HMCN2: variants seen among roughly 807,000 people sequenced by gnomAD.
HMCN2 encodes the protein hemicentin-2.
A neutral mutation model predicts 377.5 loss-of-function variants in HMCN2; 325 were observed. The ratio of observed to expected loss-of-function variants is 0.86; its 90% CI spans 0.79 to 0.94. HMCN2 has a LOEUF of 0.94. Ranked by LOEUF, HMCN2 falls within the 40% of genes least tolerant of loss-of-function variation. The pLI, the probability that HMCN2 is intolerant of heterozygous loss-of-function variation, is 0.00. For missense variants in HMCN2, 4,543 were observed against 4,725.3 expected, an observed-to-expected ratio of 0.96 and a Z score of 1.13; for synonymous variants, 2,007 against 2,046.8, an observed-to-expected ratio of 0.98 and a Z score of 0.53.
rs553915733 is a variant in HMCN2, at chr9:130,384,611, C to T, written c.8993-74C>T. On this transcript the variant is annotated intron_variant, in intron 58 of 97. Coordinates refer to ENST00000683500, the MANE Select transcript of HMCN2 (RefSeq NM_001291815.2). Reference sequence around the variant, plus strand: ...TTGCTCCCCCGACCTGGGACAGGGCCGTCAGTCGTGCAGGGATTTAGGACT... The same window carrying T: ...TTGCTCCCCCGACCTGGGACAGGGCTGTCAGTCGTGCAGGGATTTAGGACT... The T allele has an allele frequency of 2.0e-5, 26 of 1,300,488 alleles. 1 individual carries two copies. In the Middle Eastern group the frequency reaches 6.4e-4, roughly 32 times the overall value. The allele number at this position is 1,300,488 out of a possible 1,614,324, so 80.6% of individuals were successfully genotyped here.
At chr9:130,352,788 G>T in intron 30 of HMCN2, 139 bp from the exon 31 acceptor site, 1 of 589,350 alleles carries the variant, frequency 1.7e-6, no homozygotes, top group Non-Finnish European at 2.5e-6. Flanking sequence ...TCCCCTCCTT[G>T]TCCACCATGC....
chr9:130,356,301 T>G, intron 34 of HMCN2, 44 bp downstream of exon 34: 1 of 1,259,926 alleles, frequency 7.9e-7, no homozygotes, highest in Non-Finnish European at 1.0e-6. Context: ...CAGCCTGAGA[T>G]GCCAGGGGTG....
At chr9:130,336,065 T>A (rs1309293746) in intron 22 of HMCN2, among the ~76,000 whole-genome samples, 1 of 151,944 alleles carries the variant, frequency 6.6e-6, no homozygotes. Context: ...CCAGGAGACC[T>A]GCTCCGGTGC....
intron 15 of HMCN2, among the ~76,000 whole-genome samples, chr9:130,314,094 T>G (rs1837415899): frequency 6.6e-6 from 1 of 152,234 alleles, no homozygotes; most frequent in African/African-American, 2.4e-5. Context: ...TGGATATGCC[T>G]CCTCTTTCTG....
chr9:130,325,066 G>C (rs1838055830), intron 19 of HMCN2, among the ~76,000 whole-genome samples: 1 of 146,270 alleles, frequency 6.8e-6, no homozygotes, highest in East Asian at 2.0e-4. Context: ...CACTGATCTA[G>C]TTTTGTCTTT....
rs951196779 is a variant in HMCN2, at chr9:130,375,675, C to A, written c.7743C>A (p.Asn2581Lys). The A allele has an allele frequency of 3.0e-6, 3 of 985,970 alleles. No homozygotes were observed. The highest frequency in any genetic ancestry group is 3.6e-6 in the Non-Finnish European group (3 of 830,000). 61.1% of individuals were successfully genotyped at this position (985,970 alleles called of 1,614,324 possible). ...AGGCCCTGGCCTTCCCTTCCCCCAACATCACCTGGATGAAGGACGGGGCCC... is the reference window on the plus strand; with the variant it reads ...AGGCCCTGGCCTTCCCTTCCCCCAAAATCACCTGGATGAAGGACGGGGCCC... ...ICEALAFPSP[N>K]ITWMKDGAPF... Residue 2581 changes from asparagine (N) to lysine (K), a missense_variant, in exon 50 of 98, where the codon AAC becomes AAA. Physicochemically the swap from Asn to Lys is moderately conservative, Grantham distance 94. Transcript: ENST00000683500.
intron 22 of HMCN2, among the ~76,000 whole-genome samples, chr9:130,335,281 G>A (rs1838684631): frequency 6.6e-6 from 1 of 152,154 alleles, no homozygotes; most frequent in Admixed American, 6.5e-5. Flanking sequence ...ATAAGTTTCA[G>A]CATCAAATGG....
rs915120845 is a variant in HMCN2 at position 130,354,782 on chromosome 9, C to T, written c.4884C>T (p.Gly1628=). 4.5e-5 allele frequency: 59 copies of T among 1,301,824 alleles called. No homozygotes were observed. The Admixed American group carries it at 1.2e-3, about 26-fold the overall frequency. The allele number at this position is 1,301,824 out of a possible 1,614,324, so 80.6% of individuals were successfully genotyped here. A position where few individuals can be genotyped will look rare whatever the true frequency, so the allele number is the denominator to read the frequency against. Reference sequence around the variant, plus strand: ...TTCCAGTCCCACCTACCATCGAGGGCGCCGGTGGAAGACCATACGTGGTGA... The same window carrying T: ...TTCCAGTCCCACCTACCATCGAGGGTGCCGGTGGAAGACCATACGTGGTGA... ...LDVYVPPTIE[G]AGGRPYVVKA... The change falls in exon 32 of 98, where the codon GGC becomes GGT. Residue 1628 remains glycine, a synonymous_variant. Coordinates refer to ENST00000683500, the MANE Select transcript of HMCN2 (RefSeq NM_001291815.2).
In HMCN2 at chr9:130,339,050, C is replaced by A. The variant is rs1007051784; in HGVS notation, c.3487+1029C>A. On this transcript the variant is annotated intron_variant, in intron 23 of 97. Transcript: ENST00000683500. ...CAAAAAATAAAAAATTAACCACTTG[C>A]AATGGTCCGCACCTGTAGTCCCAGC... Among the ~76,000 whole-genome samples, 872 of 151,756 alleles carry A rather than the reference C, an allele frequency of 5.7e-3. 8 individuals are homozygous for A. The highest frequency in any genetic ancestry group is 0.02 in the African/African-American group (834 of 41,286).
At position 130,362,209 on chromosome 9, in the gene HMCN2, C is replaced by T. The variant is rs114764130; in HGVS notation, c.6108+44C>T. ...CCCCGGCTCAACCTCCCTGCACCTC[C>T]CGTAGATGCTGGGAACAGAGGTCAG... On this transcript the variant is annotated intron_variant, in intron 39 of 97. Coordinates refer to ENST00000683500, the MANE Select transcript of HMCN2 (RefSeq NM_001291815.2). 1.2e-3 allele frequency: 1,178 copies of T among 983,344 alleles called. 14 individuals are homozygous for T. In the African/African-American group the frequency reaches 0.019, roughly 16 times the overall value. The allele number at this position is 983,344 out of a possible 1,614,324, so 60.9% of individuals were successfully genotyped here. A position where few individuals can be genotyped will look rare whatever the true frequency, so the allele number is the denominator to read the frequency against.
chr9:130,343,531 C>T (rs957690248), intron 25 of HMCN2, among the ~76,000 whole-genome samples: 5 of 152,210 alleles, frequency 3.3e-5, no homozygotes, highest in African/African-American at 4.8e-5. Flanking sequence ...ACCTGGCCCC[C>T]CGACCCTCCC....
At chr9:130,297,401 G>A (rs1024915442) in intron 7 of HMCN2, among the ~76,000 whole-genome samples, 2 of 152,230 alleles carry the variant, frequency 1.3e-5, no homozygotes, top group African/African-American at 4.8e-5. Context: ...GTTCTGCTGG[G>A]AGAAGCCTGG....
At chr9:130,358,218 C>A in intron 35 of HMCN2, 172 bp from the exon 36 acceptor site, 1 of 542,420 alleles carries the variant, frequency 1.8e-6, no homozygotes, top group Non-Finnish European at 2.4e-6. Flanking sequence ...GCCTGGAGAT[C>A]GGACGAATCC....
chr9:130,295,548 T>C, intron 5 of HMCN2, 118 bp from the exon 6 acceptor site: 2 of 340,754 alleles, frequency 5.9e-6, no homozygotes, highest in South Asian at 4.4e-5. Context: ...AGACCCCTTG[T>C]CACTTCCGGG....
intron 57 of HMCN2, 142 bp downstream of exon 57, chr9:130,383,742 CAGAG>C (rs1205168389): frequency 7.1e-6 from 2 of 281,810 alleles, no homozygotes; most frequent in Non-Finnish European, 1.1e-5. Flanking sequence ...CATCCCGAGA[CAGAG>C]AGCATTTGGG....
chr9:130,298,398 C>A (rs971110353), intron 7 of HMCN2, among the ~76,000 whole-genome samples: 2 of 152,166 alleles, frequency 1.3e-5, no homozygotes, highest in African/African-American at 2.4e-5. Context: ...GTGGTGCATA[C>A]CTGTAGTCTC....
Position 130,284,654 on chromosome 9 carries a change from T to G in HMCN2, c.311T>G (p.Leu104Arg). Residue 104 changes from leucine (L) to arginine (R), a missense_variant, in exon 2 of 98, where the codon CTG (leucine) becomes CGG (arginine). By Grantham distance (102) the Leu-to-Arg change is moderately radical. Coordinates refer to ENST00000683500, the MANE Select transcript of HMCN2 (RefSeq NM_001291815.2). ...GACCCCACAGTGTTTCAGAGGGAGC[T>G]GAGAGAACTCTACGTGCAGGTGGGC... The part of the protein sequence containing the change: ...TADPTVFQRE[L>R]RELYVQGGGD... The G allele has an allele frequency of 2.1e-6, 1 of 471,206 alleles. No individual in the cohort carries two copies. The highest frequency in any genetic ancestry group is 4.4e-6 in the Non-Finnish European group (1 of 227,060). The allele number at this position is 471,206 out of a possible 1,614,324, so 29.2% of individuals were successfully genotyped here. A position where few individuals can be genotyped will look rare whatever the true frequency, so the allele number is the denominator to read the frequency against.
Position 130,395,389 on chromosome 9 carries a change from G to A in HMCN2, c.10911+42G>A, listed in dbSNP as rs750351614. 3.3e-5 allele frequency: 42 copies of A among 1,258,402 alleles called. No homozygotes were observed. In the South Asian group the frequency reaches 4.5e-4, roughly 13 times the overall value. The allele number at this position is 1,258,402 out of a possible 1,614,324, so 78.0% of individuals were successfully genotyped here. A position where few individuals can be genotyped will look rare whatever the true frequency, so the allele number is the denominator to read the frequency against. On this transcript the variant is annotated intron_variant, in intron 71 of 97. Transcript: ENST00000683500. ...GCCCCAGGGTGCTGCCTTCTGTCCC[G>A]CTCAGGCCTCAGACCTGACCTGGCC...
chr9:130,312,213 G>A (rs1187435418), intron 15 of HMCN2, among the ~76,000 whole-genome samples: 1 of 152,142 alleles, frequency 6.6e-6, no homozygotes, highest in Non-Finnish European at 1.5e-5. Flanking sequence ...TGAGTCTGAT[G>A]CTCACCAGCA....
Sources: allele counts gnomAD v4.1 joint callset (sites outside exome capture counted in the v4.1 genomes callset), GRCh38; gene constraint gnomAD v4.1.1; transcripts MANE v1.5; gene names NCBI Gene and HGNC (gene_info 2026-07-23, HGNC 2026-07-21).